ETF1: variants seen among roughly 807,000 people sequenced by gnomAD.
ETF1 encodes the protein eukaryotic translation termination factor 1, also known as eukaryotic peptide chain release factor subunit 1.
In ETF1, 4 loss-of-function variants were observed where a neutral mutation model predicts 55.1. The observed-to-expected ratio is 0.07, with a 90% CI of 0.04 to 0.17. The LOEUF is 0.17. Among genes scored for constraint, ETF1 ranks in the 10% least tolerant of loss-of-function variants. The pLI is 1.00. For missense variants in ETF1, 142 were observed against 523.6 expected, an observed-to-expected ratio of 0.27 and a Z score of 7.11; for synonymous variants, 157 against 182.3, an observed-to-expected ratio of 0.86 and a Z score of 1.12.
At chr5:138,517,364 C>T (rs553758828) in intron 4 of ETF1, among the ~76,000 whole-genome samples, 197 bp downstream of exon 4, 1 of 150,450 alleles carries the variant, frequency 6.6e-6, no homozygotes, top group African/African-American at 2.4e-5. Flanking sequence ...GAGCGAGACT[C>T]CGTCTAAAAA....
At chr5:138,526,942 C>G (rs972559646) in intron 2 of ETF1, among the ~76,000 whole-genome samples, 3 of 152,080 alleles carry the variant, frequency 2.0e-5, no homozygotes, top group Non-Finnish European at 4.4e-5. Context: ...CCTTGTGATC[C>G]GCCCACCTCA....
chr5:138,534,393 T>C (rs905509787), intron 2 of ETF1, among the ~76,000 whole-genome samples: 3 of 152,210 alleles, frequency 2.0e-5, no homozygotes, highest in Non-Finnish European at 4.4e-5. Context: ...TTCTCTAGTG[T>C]TCTTACAACA....
In ETF1 at chr5:138,508,702, A is replaced by C; in HGVS notation, c.1198T>G (p.Ser400Ala). 1.2e-6 allele frequency: 2 copies of C among 1,612,736 alleles called. No individual in the cohort carries two copies. The highest frequency in any genetic ancestry group is 1.7e-6 in the Non-Finnish European group (2 of 1,179,996). The change falls in exon 10 of 11, where the codon TCT (serine) becomes GCT (alanine). Residue 400 changes from serine to alanine, a missense_variant. Ser to Ala is a moderately conservative substitution (Grantham distance 99). Around this residue, in one of 5 missense-constraint regions of ETF1, gnomAD observed 82 missense variants for 232.9 expected, o/e 0.35. Transcript: ENST00000360541. ...EIVTDKSQEG[S>A]QFVKGFGGIG... ...CCACCAAATCCTTTCACAAACTGAG[A>C]CCCTTCTTGTGATTTATCTGTGACA...
At chr5:138,510,913 G>A (rs1318631872) in intron 8 of ETF1, 132 bp downstream of exon 8, 1 of 1,479,256 alleles carries the variant, frequency 6.8e-7, no homozygotes, top group Non-Finnish European at 8.9e-7. Flanking sequence ...ATGTGCTACA[G>A]ACTGAAGGAC....
intron 2 of ETF1, among the ~76,000 whole-genome samples, chr5:138,537,265 G>A (rs1235649326): frequency 6.6e-6 from 1 of 152,114 alleles, no homozygotes; most frequent in African/African-American, 2.4e-5. Flanking sequence ...TCAGACCTGT[G>A]GCATCTGTAT....
chr5:138,508,599 T>A, intron 10 of ETF1, 70 bp downstream of exon 10: 1 of 1,595,848 alleles, frequency 6.3e-7, no homozygotes, highest in Non-Finnish European at 8.5e-7. Context: ...GAAGCAGGGC[T>A]AGGGCTAGCC....
chr5:138,541,732 C>G lies in ETF1; in HGVS notation c.86+1101G>C, dbSNP rs1230258408. 10 of 1,048,938 alleles carry G rather than the reference C, an allele frequency of 9.5e-6. No individual in the cohort carries two copies. In the East Asian group the frequency reaches 4.2e-4, roughly 44 times the overall value. The allele number at this position is 1,048,938 out of a possible 1,614,324, so 65.0% of individuals were successfully genotyped here. A position where few individuals can be genotyped will look rare whatever the true frequency, so the allele number is the denominator to read the frequency against. ...ACTATTCTAAGAATGCTCAGACATA[C>G]AAGTATGTAATAATGTTCCAAACAC... is the stretch of plus-strand genomic sequence containing the variant. On this transcript the variant is annotated intron_variant, in intron 2 of 10. Coordinates refer to ENST00000360541, the MANE Select transcript of ETF1 (RefSeq NM_004730.4).
rs762176889 is a variant in ETF1 at position 138,542,892 on chromosome 5, G to A, written c.27C>T (p.Asp9=). MADDPSAA[D]RNVEIWKIKK... is the part of the protein sequence containing the mutation. ...TGATCTTCCAGATCTCCACGTTCCT[G>A]TCGGCAGCACTGGGGTCGTCCGCCA... is the stretch of plus-strand genomic sequence containing the variant. The change falls in exon 2 of 11, where the codon GAC becomes GAT. Residue 9 remains aspartate (D), a synonymous_variant. Transcript: ENST00000360541. 1.2e-6 allele frequency: 2 copies of A among 1,613,718 alleles called. No individual in the cohort carries two copies. The highest frequency in any genetic ancestry group is 1.7e-6 in the Non-Finnish European group (2 of 1,179,914).
intron 2 of ETF1, chr5:138,542,528 G>C (rs554176661): frequency 3.1e-6 from 3 of 965,218 alleles, no homozygotes; most frequent in Non-Finnish European, 4.2e-6. Flanking sequence ...CCTGGAGCCC[G>C]AAGAGGGAGG....
At chr5:138,529,560 T>C (rs1219938667) in intron 2 of ETF1, 4 of 983,094 alleles carry the variant, frequency 4.1e-6, no homozygotes, top group Non-Finnish European at 4.8e-6. Context: ...CATACAGCAA[T>C]GTATCCCTCA....
At chr5:138,533,304 G>C (rs1435574775) in intron 2 of ETF1, among the ~76,000 whole-genome samples, 3 of 151,978 alleles carry the variant, frequency 2.0e-5, no homozygotes, top group African/African-American at 7.3e-5. Flanking sequence ...TTTGAAAAAT[G>C]AATAAATGGC....
At position 138,517,717 on chromosome 5, in the gene ETF1, C is replaced by A; in HGVS notation, c.263-17G>T. On this transcript the variant is annotated splice_polypyrimidine_tract_variant and intron_variant, in intron 3 of 10. Coordinates refer to ENST00000360541, the MANE Select transcript of ETF1 (RefSeq NM_004730.4). ...TTGGAGGTACTGCAAAGAACACAAA[C>A]AATTTTTCTACTTTACCCCATATCT... The A allele has an allele frequency of 7.0e-7, 1 of 1,435,974 alleles. No individual in the cohort carries two copies. Among genetic ancestry groups the A allele is most frequent in the Non-Finnish European group, 9.3e-7 (1 of 1,075,794 alleles). 89.0% of individuals were successfully genotyped at this position (1,435,974 alleles called of 1,614,324 possible). A position where few individuals can be genotyped will look rare whatever the true frequency, so the allele number is the denominator to read the frequency against.
In ETF1 at chr5:138,507,052, A is replaced by AT. The variant is rs1237314780; in HGVS notation, c.*1252dup. On this transcript the variant is annotated 3_prime_UTR_variant, in exon 11 of 11. Coordinates refer to ENST00000360541, the MANE Select transcript of ETF1 (RefSeq NM_004730.4). Reference sequence around the variant, plus strand: ...CACCCTGGGCACGCCATGACCTTGCATATCAGCTGGGTTCAAGTCTGACTT... The same window carrying AT: ...CACCCTGGGCACGCCATGACCTTGCATTATCAGCTGGGTTCAAGTCTGACTT... 1 of 152,098 alleles carries AT rather than the reference A, an allele frequency of 6.6e-6. No homozygotes were observed. Among genetic ancestry groups the AT allele is most frequent in the African/African-American group, 2.4e-5 (1 of 41,434 alleles). The allele number at this position is 152,098 out of a possible 1,614,324, so 9.4% of individuals were successfully genotyped here.
intron 2 of ETF1, among the ~76,000 whole-genome samples, chr5:138,530,016 T>C (rs74320904): frequency 6.6e-6 from 1 of 152,262 alleles, no homozygotes; most frequent in African/African-American, 2.4e-5. Context: ...GCAGCTAAGG[T>C]TATAGGCGCA....
intron 6 of ETF1, 193 bp from the exon 7 acceptor site, chr5:138,511,797 TCA>T: frequency 1.0e-6 from 1 of 981,742 alleles, no homozygotes; most frequent in Non-Finnish European, 1.2e-6. Flanking sequence ...GCCAATTATA[TCA>T]CACATTTTAT....
chr5:138,520,879 T>C (rs957897159), intron 2 of ETF1, among the ~76,000 whole-genome samples: 2 of 152,130 alleles, frequency 1.3e-5, no homozygotes, highest in African/African-American at 4.8e-5. Context: ...CCCTTGTGCA[T>C]TGCCAGTGGG....
rs151255731 is a variant in ETF1 at position 138,533,926 on chromosome 5, T to G, written c.86+8907A>C. On this transcript the variant is annotated intron_variant, in intron 2 of 10. Transcript: ENST00000360541. ...CCACTCCCTCTGCTACTACCATCTA[T>G]GAGGCATGTTAGGAGGTGGATGGGG... Among the ~76,000 whole-genome samples, 954 of 152,312 alleles carry G rather than the reference T, an allele frequency of 6.3e-3. 1 individual carries two copies. The highest frequency in any genetic ancestry group is 9.8e-3 in the Non-Finnish European group (670 of 68,034).
rs1764561217 is a variant in ETF1, at chr5:138,506,458, CTT to C, written c.*1845_*1846del. The C allele has an allele frequency of 6.6e-6, 1 of 152,620 alleles. No homozygotes were observed. 9.5% of individuals were successfully genotyped at this position (152,620 alleles called of 1,614,324 possible). A position where few individuals can be genotyped will look rare whatever the true frequency, so the allele number is the denominator to read the frequency against. On this transcript the variant is annotated 3_prime_UTR_variant, in exon 11 of 11. Coordinates refer to ENST00000360541, the MANE Select transcript of ETF1 (RefSeq NM_004730.4). ...TAAATTTACATCCAATTTCTCTGGT[CTT>C]GTCATATCACATCAGACCCATTTAC...
intron 2 of ETF1, among the ~76,000 whole-genome samples, chr5:138,522,485 CACTCT>C (rs143380337): frequency 6.6e-6 from 1 of 151,886 alleles, no homozygotes; most frequent in African/African-American, 2.4e-5. Context: ...ATGACCCAAC[CACTCT>C]ACTCTTAGTT....
Sources: allele counts gnomAD v4.1 joint callset (sites outside exome capture counted in the v4.1 genomes callset), GRCh38; gene constraint gnomAD v4.1.1; regional missense constraint gnomAD v4.1.1; transcripts MANE v1.5; gene names NCBI Gene and HGNC (gene_info 2026-07-23, HGNC 2026-07-21).